The following TMEM132C variants were observed in gnomAD, a reference collection of about 807,000 sequenced individuals.
The protein encoded by TMEM132C is transmembrane protein 132C.
In TMEM132C, 29 loss-of-function variants were observed where a neutral mutation model predicts 61.4. That is an observed-to-expected ratio of 0.47 (90% confidence interval 0.35 to 0.64). The LOEUF (loss-of-function observed/expected upper bound fraction) is 0.64. Ranked by LOEUF, TMEM132C falls within the 30% of genes least tolerant of loss-of-function variation. The probability of loss-of-function intolerance (pLI) is 0.00; values close to 1 mark genes in which losing one functional copy is unlikely to be tolerated. For missense variants in TMEM132C, 1,408 were observed against 1,476.9 expected (o/e 0.95, Z 0.76); for synonymous variants, 656 against 633.1 (o/e 1.04, Z -0.54).
At chr12:128,438,947 G>C (rs1302778616) in intron 2 of TMEM132C, 1 of 152,144 alleles carries the variant, frequency 6.6e-6, no homozygotes, top group African/African-American at 2.4e-5. Context: ...GTTCTCCTGG[G>C]TCTGCTGTAA....
At chr12:128,600,132 G>A (rs1284758092) in intron 3 of TMEM132C, among the ~76,000 whole-genome samples, 8 of 152,070 alleles carry the variant, frequency 5.3e-5, no homozygotes, top group South Asian at 4.2e-4. Context: ...ACAGACGCCC[G>A]CCACTGCGCC....
chr12:128,419,106 A>G (rs1223272671), intron 2 of TMEM132C, among the ~76,000 whole-genome samples: 1 of 152,242 alleles, frequency 6.6e-6, no homozygotes, highest in Non-Finnish European at 1.5e-5. Context: ...TCTAGTAGGC[A>G]AGATAAAAAT....
intron 2 of TMEM132C, among the ~76,000 whole-genome samples, chr12:128,472,326 C>T (rs926879257): frequency 2.6e-5 from 4 of 152,216 alleles, no homozygotes; most frequent in Admixed American, 6.5e-5. Flanking sequence ...CTCTGTGTTC[C>T]AGAGAACCTT....
chr12:128,567,250 A>G (rs1421902951), intron 3 of TMEM132C, among the ~76,000 whole-genome samples: 1 of 152,208 alleles, frequency 6.6e-6, no homozygotes, highest in Non-Finnish European at 1.5e-5. Flanking sequence ...ATGCAAGAGA[A>G]AGAAGTGCCA....
chr12:128,309,516 C>T (rs946813944), intron 1 of TMEM132C, among the ~76,000 whole-genome samples: 6 of 152,154 alleles, frequency 3.9e-5, no homozygotes, highest in Non-Finnish European at 7.3e-5. Flanking sequence ...ACCCCCCATA[C>T]CCATTTAATC....
chr12:128,464,981 G>C (rs1041232207), intron 2 of TMEM132C, among the ~76,000 whole-genome samples: 3 of 152,150 alleles, frequency 2.0e-5, no homozygotes, highest in African/African-American at 7.2e-5. Context: ...CACAGAGAGG[G>C]GAGAGAAGGA....
chr12:128,380,632 A>G lies in TMEM132C; in HGVS notation c.86-34100A>G, dbSNP rs565753952. Among the ~76,000 whole-genome samples the G allele has an allele frequency of 9.8e-4, 150 of 152,358 alleles. 1 individual carries two copies. The highest frequency in any genetic ancestry group is 2.9e-3 in the African/African-American group (120 of 41,586). ...CATTGCTCTAAAGGAAATATAAGCCAGGCATGGTGGCTCACACCTGTGATC... is the reference window on the plus strand; with the variant it reads ...CATTGCTCTAAAGGAAATATAAGCCGGGCATGGTGGCTCACACCTGTGATC... On this transcript the variant is annotated intron_variant, in intron 1 of 8. Coordinates refer to ENST00000435159, the MANE Select transcript of TMEM132C (RefSeq NM_001136103.3).
chr12:128,412,645 T>C (rs1868599581), intron 1 of TMEM132C, among the ~76,000 whole-genome samples: 2 of 152,166 alleles, frequency 1.3e-5, no homozygotes, highest in South Asian at 4.1e-4. Flanking sequence ...AAGACATCCC[T>C]TTGCTCTTCC....
At chr12:128,665,276 C>T (rs563955263) in intron 4 of TMEM132C, among the ~76,000 whole-genome samples, 1 of 133,152 alleles carries the variant, frequency 7.5e-6, no homozygotes, top group African/African-American at 3.7e-5. Context: ...CAAACAGGCA[C>T]ACGCACACAC....
intron 3 of TMEM132C, among the ~76,000 whole-genome samples, chr12:128,597,251 G>A (rs948412864): frequency 4.6e-5 from 7 of 152,130 alleles, no homozygotes; most frequent in African/African-American, 1.7e-4. Context: ...AGGCTGAGGT[G>A]GGTGGATCAC....
chr12:128,674,022 C>T (rs891115236), intron 5 of TMEM132C, among the ~76,000 whole-genome samples: 1 of 152,206 alleles, frequency 6.6e-6, no homozygotes, highest in Admixed American at 6.5e-5. Flanking sequence ...CAACTCACTT[C>T]AAATGTACAA....
chr12:128,394,490 G>A (rs1874875339), intron 1 of TMEM132C, among the ~76,000 whole-genome samples: 1 of 152,218 alleles, frequency 6.6e-6, no homozygotes, highest in African/African-American at 2.4e-5. Context: ...AAAGGGGGTT[G>A]CCAGAGATGT....
chr12:128,314,510 A>G (rs1232012447), intron 1 of TMEM132C, among the ~76,000 whole-genome samples: 1 of 152,224 alleles, frequency 6.6e-6, no homozygotes, highest in East Asian at 1.9e-4. Flanking sequence ...CTCCAAATTC[A>G]CATCCACCCA....
chr12:128,459,406 G>A (rs1325479225), intron 2 of TMEM132C, among the ~76,000 whole-genome samples: 2 of 152,210 alleles, frequency 1.3e-5, no homozygotes, highest in Admixed American at 6.5e-5. Flanking sequence ...GAGGACCTGG[G>A]TTTGAGAGAC....
intron 1 of TMEM132C, among the ~76,000 whole-genome samples, chr12:128,325,617 G>C (rs1872483894): frequency 6.6e-6 from 1 of 152,180 alleles, no homozygotes; most frequent in Non-Finnish European, 1.5e-5. Context: ...TTCCTGTGAA[G>C]TTTTTCAGTG....
intron 1 of TMEM132C, among the ~76,000 whole-genome samples, chr12:128,400,386 A>T (rs911109776): frequency 2.6e-5 from 4 of 152,098 alleles, no homozygotes; most frequent in African/African-American, 9.7e-5. Context: ...AGAGTGAGGG[A>T]CCTTCTTTCC....
At chr12:128,285,576 G>A (rs1032903995) in intron 1 of TMEM132C, among the ~76,000 whole-genome samples, 11 of 152,124 alleles carry the variant, frequency 7.2e-5, no homozygotes, top group Non-Finnish European at 1.6e-4. Context: ...TAAAAGAGGA[G>A]AGGAACCAGC....
intron 1 of TMEM132C, among the ~76,000 whole-genome samples, chr12:128,291,593 C>T (rs1871248530): frequency 2.0e-5 from 3 of 152,326 alleles, no homozygotes; most frequent in African/African-American, 7.2e-5. Context: ...TCCCAAGGCT[C>T]AGTTGTCCTG....
intron 3 of TMEM132C, among the ~76,000 whole-genome samples, chr12:128,567,939 C>T (rs1377305825): frequency 6.6e-6 from 1 of 152,220 alleles, no homozygotes; most frequent in Non-Finnish European, 1.5e-5. Context: ...AGCCCCATCT[C>T]AGCCACGTGG....
Sources: gnomAD v4.1 joint callset for allele counts (sites outside exome capture counted in the v4.1 genomes callset) on GRCh38, gnomAD v4.1.1 for gene constraint, MANE v1.5 for transcripts, NCBI Gene and HGNC (gene_info 2026-07-23, HGNC 2026-07-21) for gene names.